The following GYS1 variants were observed in gnomAD, a reference collection of about 807,000 sequenced individuals.
The protein encoded by GYS1 is glycogen [starch] synthase, muscle.
Under a neutral mutation model 89.1 loss-of-function variants are expected in GYS1, and 60 were observed. That is an observed-to-expected ratio of 0.67 (90% CI 0.55 to 0.84). The LOEUF (loss-of-function observed/expected upper bound fraction) is 0.84. Ranked by LOEUF, GYS1 falls within the 40% of genes least tolerant of loss-of-function variation. The pLI, the probability that GYS1 is intolerant of heterozygous loss-of-function variation, is 0.00. For synonymous variants in GYS1, 366 were observed against 401.7 expected, an observed-to-expected ratio of 0.91 and a Z score of 1.06; for missense variants, 888 against 1,003.1, an observed-to-expected ratio of 0.89 and a Z score of 1.55.
intron 3 of GYS1, among the ~76,000 whole-genome samples, chr19:48,986,688 G>A (rs115717235): frequency 6.6e-6 from 1 of 151,664 alleles, no homozygotes; most frequent in Admixed American, 6.6e-5. Flanking sequence ...TTTTTTGTAT[G>A]TTTAGTAAAG....
At chr19:48,981,732 C>A in intron 7 of GYS1, 96 bp from the exon 8 acceptor site, 2 of 771,370 alleles carry the variant, frequency 2.6e-6, no homozygotes, top group East Asian at 2.5e-5. Flanking sequence ...CCTGCCATAC[C>A]CATTCCTGTC....
intron 7 of GYS1, 107 bp downstream of exon 7, chr19:48,982,148 C>G: frequency 8.3e-7 from 1 of 1,207,358 alleles, no homozygotes; most frequent in South Asian, 1.2e-5. Context: ...CCGCCTTGGC[C>G]TCCAAAAGTG....
At chr19:48,986,345 G>A (rs2038843336) in intron 3 of GYS1, among the ~76,000 whole-genome samples, 1 of 152,034 alleles carries the variant, frequency 6.6e-6, no homozygotes, top group Non-Finnish European at 1.5e-5. Flanking sequence ...ATGTTCCCAG[G>A]TCCTGGACAT....
At chr19:48,982,593 C>A (rs547087738) in intron 6 of GYS1, 127 bp downstream of exon 6, 2 of 873,582 alleles carry the variant, frequency 2.3e-6, no homozygotes, top group East Asian at 4.9e-5. Flanking sequence ...TTAAGGAGGC[C>A]GAATACCCAG....
At chr19:48,975,206 C>G (rs986298133) in intron 10 of GYS1, among the ~76,000 whole-genome samples, 1 of 151,518 alleles carries the variant, frequency 6.6e-6, no homozygotes, top group Non-Finnish European at 1.5e-5. Flanking sequence ...GCTGGGATTA[C>G]AGGCGTGAGC....
At position 48,989,998 on chromosome 19, in the gene GYS1, T is replaced by TGGGG. The variant is rs998261396; in HGVS notation, c.300+1300_300+1303dup. Among the ~76,000 whole-genome samples the TGGGG allele has an allele frequency of 2.7e-3, 134 of 49,586 alleles. 1 individual carries two copies. Among genetic ancestry groups the TGGGG allele is most frequent in the Middle Eastern group, 0.014 (1 of 74 alleles). The allele number at this position is 49,586 out of a possible 152,430, so 32.5% of individuals were successfully genotyped here. ...TCCCAGCTGTTGTCTGCCCTTTTGC[T>TGGGG]GGGGGGGGGGGGGGGCTATTCTTAG... On this transcript the variant is annotated intron_variant, in intron 2 of 15. Coordinates refer to ENST00000323798, the MANE Select transcript of GYS1 (RefSeq NM_002103.5).
chr19:48,986,165 A>ACT, intron 3 of GYS1, 130 bp from the exon 4 acceptor site: 4 of 818,932 alleles, frequency 4.9e-6, no homozygotes, highest in Non-Finnish European at 6.1e-6. Context: ...GCAGCGGCCC[A>ACT]CTGCAGCAAT....
chr19:48,983,421 T>A (rs1281731682), intron 5 of GYS1, among the ~76,000 whole-genome samples: 1 of 152,212 alleles, frequency 6.6e-6, no homozygotes, highest in Non-Finnish European at 1.5e-5. Flanking sequence ...TGATCCACAC[T>A]GGTGATTCTG....
At chr19:48,981,416 CA>C in intron 8 of GYS1, 113 bp downstream of exon 8, 1 of 676,396 alleles carries the variant, frequency 1.5e-6, no homozygotes, top group East Asian at 2.8e-5. Flanking sequence ...GTCTCAAAAA[CA>C]AACAAACAAA....
chr19:48,979,643 T>A (rs2038723049), intron 8 of GYS1, among the ~76,000 whole-genome samples: 1 of 127,086 alleles, frequency 7.9e-6, no homozygotes, highest in Non-Finnish European at 1.7e-5. Context: ...AGCCTCTTTC[T>A]TTCTTTTTTT....
At chr19:48,981,013 T>TGAGGCAGGAAAATCGCTTG (rs1568621563) in intron 8 of GYS1, among the ~76,000 whole-genome samples, 1 of 151,536 alleles carries the variant, frequency 6.6e-6, no homozygotes, top group Non-Finnish European at 1.5e-5. Context: ...ACTCAGAGGC[T>TGAGGCAGGAAAATCGCTTG]GAGGCAGGAA....
chr19:48,978,788 G>A (rs1190527708), intron 8 of GYS1, among the ~76,000 whole-genome samples: 3 of 152,140 alleles, frequency 2.0e-5, no homozygotes, highest in African/African-American at 7.2e-5. Flanking sequence ...GGCCACCTCG[G>A]CCTCCCAAAG....
At position 48,993,160 on chromosome 19, in the gene GYS1, G is replaced by A. The variant is rs201550075; in HGVS notation, c.-48C>T. The A allele has an allele frequency of 9.4e-7, 1 of 1,069,138 alleles. No individual in the cohort carries two copies. The highest frequency in any genetic ancestry group is 1.2e-5 in the South Asian group (1 of 80,100). The allele number at this position is 1,069,138 out of a possible 1,614,324, so 66.2% of individuals were successfully genotyped here. ...CCGGGGATCTCCAGGTAGGGACCCC[G>A]GAGGTGTCTAGGGAATGCACCAGGT... On this transcript the variant is annotated 5_prime_UTR_variant, in exon 1 of 16. Coordinates refer to ENST00000323798, the MANE Select transcript of GYS1 (RefSeq NM_002103.5).
chr19:48,990,432 A>G (rs926620440), intron 2 of GYS1, among the ~76,000 whole-genome samples: 1 of 151,986 alleles, frequency 6.6e-6, no homozygotes, highest in Non-Finnish European at 1.5e-5. Context: ...TTTCTGAAAC[A>G]TCTGGTGGCC....
intron 8 of GYS1, among the ~76,000 whole-genome samples, chr19:48,979,957 T>A (rs1424508971): frequency 6.6e-6 from 1 of 152,048 alleles, no homozygotes; most frequent in African/African-American, 2.4e-5. Flanking sequence ...TCTTTTTTAT[T>A]TTTTTGAGAC....
At chr19:48,989,164 C>A (rs1320480132) in intron 2 of GYS1, among the ~76,000 whole-genome samples, 6 of 151,720 alleles carry the variant, frequency 4.0e-5, no homozygotes, top group Non-Finnish European at 8.8e-5. Flanking sequence ...TCCGGTCACC[C>A]AGGCTGGAGT....
At chr19:48,979,481 C>T (rs1390820457) in intron 8 of GYS1, among the ~76,000 whole-genome samples, 8 of 149,416 alleles carry the variant, frequency 5.4e-5, no homozygotes, top group East Asian at 2.0e-4. Context: ...CAATTACAAG[C>T]GTGCGCCACC....
At chr19:48,977,857 G>T in intron 10 of GYS1, 67 bp downstream of exon 10, 1 of 1,188,638 alleles carries the variant, frequency 8.4e-7, no homozygotes, top group Non-Finnish European at 1.3e-6. Flanking sequence ...GGTCTGAGCT[G>T]GCCTGGCAAG....
chr19:48,987,491 G>A (rs2038860600), intron 2 of GYS1, 106 bp from the exon 3 acceptor site: 5 of 806,204 alleles, frequency 6.2e-6, no homozygotes, highest in East Asian at 5.4e-5. Flanking sequence ...ATAGACTTAA[G>A]CCTCAGCTCT....
Sources: allele counts gnomAD v4.1 joint callset (sites outside exome capture counted in the v4.1 genomes callset), GRCh38; gene constraint gnomAD v4.1.1; transcripts MANE v1.5; gene names NCBI Gene and HGNC (gene_info 2026-07-23, HGNC 2026-07-21).